Variants in DGKI observed in about 807,000 individuals in gnomAD.
The protein encoded by DGKI is DAG kinase iota.
In DGKI, 55 loss-of-function variants were observed where a neutral mutation model predicts 147.5. That is an observed-to-expected ratio of 0.37 (90% CI 0.30 to 0.47). DGKI has a LOEUF of 0.47. Among genes scored for constraint, DGKI ranks in the 20% least tolerant of loss-of-function variants. The pLI, the probability that DGKI is intolerant of heterozygous loss-of-function variation, is 1.00. For synonymous variants in DGKI, 469 were observed against 477.1 expected, an observed-to-expected ratio of 0.98 and a Z score of 0.22; for missense variants, 1,007 against 1,323.8, an observed-to-expected ratio of 0.76 and a Z score of 3.71.
chr7:137,808,070 G>C (rs529324904), intron 1 of DGKI, among the ~76,000 whole-genome samples: 3 of 152,294 alleles, frequency 2.0e-5, no homozygotes, highest in South Asian at 4.1e-4. Context: ...GCTGTGATTG[G>C]CTCATTGCTA....
At chr7:137,423,871 A>G (rs1429781210) in intron 28 of DGKI, among the ~76,000 whole-genome samples, 3 of 152,224 alleles carry the variant, frequency 2.0e-5, no homozygotes, top group Admixed American at 2.0e-4. Context: ...TTATTTATTT[A>G]TCAATTTTTT....
At chr7:137,506,749 T>C (rs1816382698) in intron 21 of DGKI, among the ~76,000 whole-genome samples, 2 of 152,186 alleles carry the variant, frequency 1.3e-5, no homozygotes, top group Admixed American at 6.6e-5. Context: ...ACTTTCTACT[T>C]ACTTTTTCTG....
intron 21 of DGKI, among the ~76,000 whole-genome samples, chr7:137,490,194 T>C (rs1447747702): frequency 6.6e-6 from 1 of 152,208 alleles, no homozygotes; most frequent in Non-Finnish European, 1.5e-5. Context: ...GGTGGCAATA[T>C]GCAGTAGAAA....
intron 1 of DGKI, among the ~76,000 whole-genome samples, chr7:137,805,006 G>A (rs1350831857): frequency 6.6e-6 from 1 of 152,166 alleles, no homozygotes; most frequent in East Asian, 1.9e-4. Context: ...AGAAGCAGCT[G>A]GGCTGCTTAT....
At chr7:137,574,621 T>G (rs376762603) in intron 17 of DGKI, among the ~76,000 whole-genome samples, 1 of 152,346 alleles carries the variant, frequency 6.6e-6, no homozygotes, top group African/African-American at 2.4e-5. Flanking sequence ...GTATACTGCT[T>G]TACAGAGATT....
In DGKI at chr7:137,487,792, T is replaced by C. The variant is rs1815620580; in HGVS notation, c.2249-103A>G. The C allele has an allele frequency of 1.5e-5, 16 of 1,061,426 alleles. No homozygotes were observed. In the South Asian group the frequency reaches 2.0e-4, roughly 13 times the overall value. 65.8% of individuals were successfully genotyped at this position (1,061,426 alleles called of 1,614,324 possible). ...TTAAAAAACAATCTCATAAATATTA[T>C]GGGTTTTTTAGATATGTCCGTAAAA... On this transcript the variant is annotated intron_variant, in intron 21 of 32. Coordinates refer to ENST00000614521, the MANE Select transcript of DGKI (RefSeq NM_001321708.2).
At chr7:137,488,527 A>C (rs1210040897) in intron 21 of DGKI, among the ~76,000 whole-genome samples, 2 of 151,822 alleles carry the variant, frequency 1.3e-5, no homozygotes, top group Non-Finnish European at 2.9e-5. Context: ...ACTTAAAAAA[A>C]AATCTACAAA....
intron 28 of DGKI, among the ~76,000 whole-genome samples, chr7:137,443,573 G>T (rs1256080926): frequency 4.6e-5 from 7 of 152,186 alleles, no homozygotes; most frequent in African/African-American, 1.7e-4. Context: ...CTCTTAAAAT[G>T]CAAACAATTC....
At chr7:137,487,931 T>C (rs1169306289) in intron 21 of DGKI, among the ~76,000 whole-genome samples, 1 of 152,150 alleles carries the variant, frequency 6.6e-6, no homozygotes, top group African/African-American at 2.4e-5. Context: ...CTGCCCCTCA[T>C]CTCATTGTGT....
At chr7:137,562,633 G>GA (rs1164159412) in intron 19 of DGKI, among the ~76,000 whole-genome samples, 4 of 152,112 alleles carry the variant, frequency 2.6e-5, no homozygotes, top group Non-Finnish European at 4.4e-5. Flanking sequence ...ATGGAGGGGG[G>GA]ATCCTACAAA....
chr7:137,409,158 T>C (rs1427428842), intron 29 of DGKI, among the ~76,000 whole-genome samples: 1 of 152,188 alleles, frequency 6.6e-6, no homozygotes, highest in Non-Finnish European at 1.5e-5. Flanking sequence ...GTGGATATGC[T>C]AATTACCCTG....
At chr7:137,835,847 T>C (rs1429247235) in intron 1 of DGKI, among the ~76,000 whole-genome samples, 1 of 152,184 alleles carries the variant, frequency 6.6e-6, no homozygotes, top group Non-Finnish European at 1.5e-5. Flanking sequence ...CATCCTGCAG[T>C]GAAAAGAGTA....
chr7:137,789,570 C>T (rs927021863), intron 1 of DGKI, among the ~76,000 whole-genome samples: 2 of 151,588 alleles, frequency 1.3e-5, no homozygotes, highest in Admixed American at 6.6e-5. Context: ...TTTAGGGAGC[C>T]GTGAAAAAGA....
intron 10 of DGKI, among the ~76,000 whole-genome samples, chr7:137,601,414 ATTG>A (rs1337168119): frequency 6.6e-6 from 1 of 152,194 alleles, no homozygotes; most frequent in Admixed American, 6.5e-5. Context: ...TGCTCATAAT[ATTG>A]TTGTTTTAGT....
intron 13 of DGKI, among the ~76,000 whole-genome samples, chr7:137,586,574 G>A (rs529548239): frequency 1.2e-3 from 180 of 152,162 alleles, no homozygotes; most frequent in Admixed American, 3.7e-3. Flanking sequence ...ACTGCAGAAC[G>A]ATTTCCCCCA....
chr7:137,472,396 A>ATTATATGTATATATACAT (rs1396290321), intron 23 of DGKI, among the ~76,000 whole-genome samples: 7 of 94,726 alleles, frequency 7.4e-5, no homozygotes, highest in Non-Finnish European at 1.1e-4. Flanking sequence ...TACATATTAT[A>ATTATATGTATATATACAT]ATTATTATAT....
chr7:137,586,962 G>A (rs1819425442), intron 13 of DGKI, 135 bp downstream of exon 13: 1 of 592,178 alleles, frequency 1.7e-6, no homozygotes, highest in South Asian at 3.2e-5. Flanking sequence ...AGGGCTCAAG[G>A]GCACTTTGAT....
intron 1 of DGKI, among the ~76,000 whole-genome samples, chr7:137,734,158 G>A (rs942832433): frequency 1.3e-4 from 19 of 151,998 alleles, no homozygotes; most frequent in Admixed American, 4.6e-4. Flanking sequence ...CTGGACTTTG[G>A]GACTCCCTTC....
intron 21 of DGKI, among the ~76,000 whole-genome samples, chr7:137,489,083 C>T (rs1815670295): frequency 1.3e-5 from 2 of 152,154 alleles, no homozygotes; most frequent in South Asian, 4.1e-4. Context: ...CCCACCACCC[C>T]ATTCCCTTAT....
Sources: allele counts gnomAD v4.1 joint callset (sites outside exome capture counted in the v4.1 genomes callset), GRCh38; gene constraint gnomAD v4.1.1; transcripts MANE v1.5; gene names NCBI Gene and HGNC (gene_info 2026-07-23, HGNC 2026-07-21).